MAST4: variants seen among roughly 807,000 people sequenced by gnomAD.
The protein encoded by MAST4 is microtubule-associated serine/threonine-protein kinase 4.
In MAST4, 89 loss-of-function variants were observed where a neutral mutation model predicts 162.7. The ratio of observed to expected loss-of-function variants is 0.55; its 90% CI spans 0.46 to 0.65. The LOEUF (loss-of-function observed/expected upper bound fraction) is 0.65, where lower values mean the gene tolerates loss of function less well. Ranked by LOEUF, MAST4 falls within the 30% of genes least tolerant of loss-of-function variation. The pLI, the probability that MAST4 is intolerant of heterozygous loss-of-function variation, is 0.00. For synonymous variants in MAST4, 1,479 were observed against 1,361.1 expected (o/e 1.09, Z -1.91); for missense variants, 3,153 against 3,374.0 (o/e 0.93, Z 1.62).
In MAST4 at chr5:67,114,229, TG is replaced by T. The variant is rs1200906109; in HGVS notation, c.1591+13del. 6.2e-7 allele frequency: 1 copy of T among 1,605,786 alleles called. No individual in the cohort carries two copies. On this transcript the variant is annotated intron_variant, in intron 12 of 28. Transcript: ENST00000403625. ...AAGGATCCCTTGGAAGGTGAGTCCC[TG>T]GGTTGTTCCTACCTTTGACTTTGCT...
intron 3 of MAST4, among the ~76,000 whole-genome samples, chr5:66,807,216 G>GCCA (rs1267537062): frequency 1.3e-5 from 2 of 152,202 alleles, no homozygotes; most frequent in Non-Finnish European, 2.9e-5. Context: ...TGTACAATTG[G>GCCA]CCGGGTGCGG....
intron 16 of MAST4, 37 bp from the exon 17 acceptor site, chr5:67,133,475 TAA>T (rs1769244591): frequency 6.2e-7 from 1 of 1,607,278 alleles, no homozygotes; most frequent in East Asian, 2.2e-5. Context: ...AACCAGCTTA[TAA>T]AGTGATTATT....
chr5:66,922,964 G>A (rs901906638), intron 4 of MAST4, among the ~76,000 whole-genome samples: 21 of 152,152 alleles, frequency 1.4e-4, no homozygotes, highest in African/African-American at 5.1e-4. Flanking sequence ...CATCTTCTCG[G>A]GCATCCAACC....
chr5:66,911,547 A>G (rs1238765501), intron 4 of MAST4, among the ~76,000 whole-genome samples: 2 of 112,706 alleles, frequency 1.8e-5, no homozygotes, highest in Non-Finnish European at 3.6e-5. Context: ...ACAAACAAAC[A>G]AACAACAACA....
At chr5:66,889,823 G>A (rs951311177) in intron 3 of MAST4, among the ~76,000 whole-genome samples, 1 of 152,148 alleles carries the variant, frequency 6.6e-6, no homozygotes, top group African/African-American at 2.4e-5. Context: ...AAGATAAGCT[G>A]TATTATTTTC....
intron 4 of MAST4, among the ~76,000 whole-genome samples, chr5:67,012,952 C>T (rs1452211843): frequency 1.3e-5 from 2 of 152,112 alleles, no homozygotes; most frequent in Non-Finnish European, 2.9e-5. Context: ...AGAATTTAGG[C>T]TTTGATCAGT....
rs199768446 is a variant in MAST4, at chr5:66,892,761, AG to A, written c.643-7186del. ...CTCTGACATTGCCGTGGTGGAGTAT[AG>A]GGGAAAAAATTGGAACTGGATGACA... On this transcript the variant is annotated intron_variant, in intron 3 of 28. Transcript: ENST00000403625. 1.7e-4 allele frequency among the ~76,000 whole-genome samples: 26 copies of A among 152,188 alleles called. No individual in the cohort carries two copies. The East Asian group carries it at 4.5e-3, about 26-fold the overall frequency.
chr5:66,760,584 GCT>G (rs1299424534), intron 2 of MAST4, among the ~76,000 whole-genome samples: 1 of 152,088 alleles, frequency 6.6e-6, no homozygotes, highest in Non-Finnish European at 1.5e-5. Flanking sequence ...CCATAGATCT[GCT>G]CTGTTATTAT....
intron 3 of MAST4, among the ~76,000 whole-genome samples, chr5:66,866,138 G>A (rs374969868): frequency 6.6e-6 from 1 of 151,654 alleles, no homozygotes; most frequent in East Asian, 1.9e-4. Context: ...AAAAGTATTG[G>A]CAAGTATTAT....
At chr5:66,798,237 A>G (rs1350304585) in intron 3 of MAST4, among the ~76,000 whole-genome samples, 2 of 137,826 alleles carry the variant, frequency 1.5e-5, no homozygotes, top group Non-Finnish European at 3.1e-5. Context: ...AATGTGGAGT[A>G]GTGTGGTAAT....
chr5:67,086,592 G>A (rs1306205002), intron 5 of MAST4, among the ~76,000 whole-genome samples: 1 of 152,206 alleles, frequency 6.6e-6, no homozygotes, highest in Non-Finnish European at 1.5e-5. Context: ...AGCGATACCA[G>A]CAGTCTATAA....
chr5:67,110,269 C>T, intron 11 of MAST4, 70 bp downstream of exon 11: 1 of 1,146,286 alleles, frequency 8.7e-7, no homozygotes. Context: ...CAGAAAGCTC[C>T]TTCATTTGGT....
chr5:66,837,529 G>T (rs955065632), intron 3 of MAST4, among the ~76,000 whole-genome samples: 2 of 151,912 alleles, frequency 1.3e-5, no homozygotes, highest in Non-Finnish European at 2.9e-5. Flanking sequence ...ATTTTGTGCT[G>T]TCTTTTGGAA....
intron 26 of MAST4, among the ~76,000 whole-genome samples, chr5:67,157,445 C>G (rs1433661704): frequency 6.6e-6 from 1 of 152,226 alleles, no homozygotes; most frequent in Non-Finnish European, 1.5e-5. Flanking sequence ...CTGGTCTTCA[C>G]TGTTTTCTGA....
At chr5:66,663,207 G>T (rs1000090626) in intron 1 of MAST4, among the ~76,000 whole-genome samples, 4 of 152,070 alleles carry the variant, frequency 2.6e-5, no homozygotes, top group African/African-American at 4.8e-5. Context: ...ACCCACCTCA[G>T]TGCATGTGTG....
At chr5:67,150,889 A>G (rs1429695615) in intron 24 of MAST4, among the ~76,000 whole-genome samples, 3 of 152,206 alleles carry the variant, frequency 2.0e-5, no homozygotes, top group Non-Finnish European at 2.9e-5. Flanking sequence ...AGCATGGGTC[A>G]TGATACAGTT....
intron 1 of MAST4, among the ~76,000 whole-genome samples, chr5:66,639,953 G>A (rs1453505930): frequency 3.3e-5 from 5 of 152,058 alleles, no homozygotes; most frequent in African/African-American, 1.2e-4. Flanking sequence ...TGTGGTAAGA[G>A]CATCTAAACA....
intron 3 of MAST4, among the ~76,000 whole-genome samples, chr5:66,808,238 G>T (rs568322956): frequency 6.6e-6 from 1 of 152,188 alleles, no homozygotes. Context: ...TTTTTTACAG[G>T]ACTGCTCAGG....
chr5:66,610,761 G>A (rs1416451774), intron 1 of MAST4, among the ~76,000 whole-genome samples: 2 of 152,214 alleles, frequency 1.3e-5, no homozygotes, highest in Non-Finnish European at 2.9e-5. Context: ...GAGGGAACAG[G>A]TAAGCTGGAA....
Sources: allele counts gnomAD v4.1 joint callset (sites outside exome capture counted in the v4.1 genomes callset), GRCh38; gene constraint gnomAD v4.1.1; transcripts MANE v1.5; gene names NCBI Gene and HGNC (gene_info 2026-07-23, HGNC 2026-07-21).